The following ETHE1 variants were observed in gnomAD, a reference collection of about 807,000 sequenced individuals.
The protein encoded by ETHE1 is ETHE1 persulfide dioxygenase.
ETHE1 carries 16 observed loss-of-function variants against 25.7 expected under a neutral mutation model. The observed-to-expected ratio is 0.62, with a 90% CI of 0.42 to 0.95. The LOEUF (loss-of-function observed/expected upper bound fraction) is 0.95. Among genes scored for constraint, ETHE1 ranks in the 40% least tolerant of loss-of-function variants. ETHE1 has a pLI of 0.00. For synonymous variants in ETHE1, 139 were observed against 135.9 expected (o/e 1.02, Z -0.16); for missense variants, 300 against 333.6 (o/e 0.90, Z 0.79).
intron 3 of ETHE1, among the ~76,000 whole-genome samples, chr19:43,522,161 C>T (rs889572692): frequency 6.6e-5 from 10 of 152,080 alleles, no homozygotes; most frequent in Admixed American, 6.6e-5. Context: ...GGGGCTCACA[C>T]CTGTAATCCC....
intron 3 of ETHE1, among the ~76,000 whole-genome samples, chr19:43,518,373 G>GA (rs886770341): frequency 4.3e-4 from 64 of 149,058 alleles, no homozygotes; most frequent in African/African-American, 1.3e-3. Context: ...AAAGAAAAAA[G>GA]AAAAAAAAAG....
At chr19:43,511,587 C>T (rs747604677) in intron 3 of ETHE1, 21 bp from the exon 4 acceptor site, 4 of 1,609,806 alleles carry the variant, frequency 2.5e-6, no homozygotes, top group South Asian at 1.1e-5. Context: ...TGGAAGAGTA[C>T]AGAGATAGTC....
chr19:43,511,677 A>G, intron 3 of ETHE1, 111 bp from the exon 4 acceptor site: 1 of 1,201,696 alleles, frequency 8.3e-7, no homozygotes, highest in South Asian at 1.4e-5. Flanking sequence ...CATTTTGGTA[A>G]AAAATGTAGA....
intron 3 of ETHE1, among the ~76,000 whole-genome samples, chr19:43,511,935 G>A (rs1971926922): frequency 6.6e-6 from 1 of 152,050 alleles, no homozygotes; most frequent in Admixed American, 6.6e-5. Flanking sequence ...ATGGGGGCAG[G>A]TTTTTCCCAT....
At chr19:43,523,053 A>G (rs759610794) in intron 3 of ETHE1, among the ~76,000 whole-genome samples, 2 of 152,234 alleles carry the variant, frequency 1.3e-5, no homozygotes, top group Non-Finnish European at 2.9e-5. Flanking sequence ...AGTACACTGT[A>G]TAAGTCCTGT....
intron 4 of ETHE1, among the ~76,000 whole-genome samples, chr19:43,510,029 A>G (rs1202538106): frequency 6.6e-6 from 1 of 152,168 alleles, no homozygotes; most frequent in East Asian, 1.9e-4. Flanking sequence ...TGCAGAGATA[A>G]GGAGAGAGGG....
intron 1 of ETHE1, 25 bp from the exon 2 acceptor site, chr19:43,526,684 G>A (rs2146020171): frequency 1.9e-6 from 3 of 1,612,574 alleles, no homozygotes; most frequent in South Asian, 1.1e-5. Flanking sequence ...CCCAGGTGAG[G>A]GCGCAGAACC....
At chr19:43,517,527 G>A (rs910216264) in intron 3 of ETHE1, among the ~76,000 whole-genome samples, 2 of 149,050 alleles carry the variant, frequency 1.3e-5, no homozygotes, top group East Asian at 2.0e-4. Context: ...GCCTAATCGC[G>A]ACACTTTGGG....
At chr19:43,519,787 C>T (rs1181524220) in intron 3 of ETHE1, among the ~76,000 whole-genome samples, 1 of 152,088 alleles carries the variant, frequency 6.6e-6, no homozygotes, top group Non-Finnish European at 1.5e-5. Context: ...TTTCAAGACC[C>T]GGAGTGGATG....
At position 43,508,074 on chromosome 19, in the gene ETHE1, G is replaced by A. The variant is rs1186514143; in HGVS notation, c.596-14C>T. The A allele has an allele frequency of 2.5e-6, 4 of 1,613,124 alleles. No homozygotes were observed. In the African/African-American group the frequency reaches 5.3e-5, roughly 22 times the overall value. The stretch of plus-strand genomic sequence containing the variant: ...ACACTGTGAACCCTAGGGGCCAAGG[G>A]AGGGGAAGGAAAGTCAAGGAGTCTA... On this transcript the variant is annotated splice_polypyrimidine_tract_variant and intron_variant, in intron 5 of 6. Transcript: ENST00000292147.
intron 4 of ETHE1, among the ~76,000 whole-genome samples, chr19:43,509,466 C>T (rs1192476505): frequency 1.4e-5 from 2 of 148,048 alleles, no homozygotes; most frequent in Admixed American, 1.4e-4. Flanking sequence ...CACTGCCCTC[C>T]AGCCTGGGAG....
At chr19:43,507,432 C>T (rs1419980808) in intron 6 of ETHE1, among the ~76,000 whole-genome samples, 6 of 81,772 alleles carry the variant, frequency 7.3e-5, no homozygotes, top group Admixed American at 1.3e-4. Flanking sequence ...GACCCAGGAG[C>T]CCAGGTCCCC....
chr19:43,524,502 A>AAT (rs1439266152), intron 3 of ETHE1, among the ~76,000 whole-genome samples: 1 of 152,122 alleles, frequency 6.6e-6, no homozygotes, highest in East Asian at 1.9e-4. Context: ...TTTTCCAATT[A>AAT]ATGGTAGTAA....
chr19:43,514,687 T>C (rs1971986130), intron 3 of ETHE1, among the ~76,000 whole-genome samples: 1 of 152,090 alleles, frequency 6.6e-6, no homozygotes. Context: ...GGATTCACCA[T>C]GTTGGTCAGG....
intron 3 of ETHE1, among the ~76,000 whole-genome samples, chr19:43,515,410 T>G (rs900187682): frequency 1.0e-5 from 1 of 98,768 alleles, no homozygotes; most frequent in African/African-American, 4.0e-5. Context: ...AGAGCAAAAC[T>G]CCGCCTTAAA....
chr19:43,526,036 G>A (rs1304443661), intron 3 of ETHE1, 165 bp downstream of exon 3: 2 of 1,044,916 alleles, frequency 1.9e-6, no homozygotes, highest in Non-Finnish European at 2.8e-6. Flanking sequence ...CCCCACCTGG[G>A]TTTATGGTGC....
At chr19:43,527,054 G>T in intron 1 of ETHE1, 43 bp downstream of exon 1, 3 of 1,544,374 alleles carry the variant, frequency 1.9e-6, no homozygotes, top group Non-Finnish European at 2.6e-6. Context: ...CCTTGCTGCC[G>T]CCTAGTGCCC....
At chr19:43,522,443 A>G (rs1403715244) in intron 3 of ETHE1, among the ~76,000 whole-genome samples, 1 of 152,138 alleles carries the variant, frequency 6.6e-6, no homozygotes, top group Non-Finnish European at 1.5e-5. Context: ...TTAAAAAAAA[A>G]CCTATATGAA....
chr19:43,518,619 T>C (rs1478754186), intron 3 of ETHE1, among the ~76,000 whole-genome samples: 1 of 150,770 alleles, frequency 6.6e-6, no homozygotes, highest in African/African-American at 2.4e-5. Context: ...GGCGTGGTGG[T>C]GGGCGTCTGT....
Sources: gnomAD v4.1 joint callset for allele counts (sites outside exome capture counted in the v4.1 genomes callset) on GRCh38, gnomAD v4.1.1 for gene constraint, MANE v1.5 for transcripts, NCBI Gene and HGNC (gene_info 2026-07-23, HGNC 2026-07-21) for gene names.